TECTA: variants seen among roughly 807,000 people sequenced by gnomAD.
TECTA encodes tectorin alpha.
Under a neutral mutation model 216.8 loss-of-function variants are expected in TECTA, and 128 were observed. The ratio of observed to expected loss-of-function variants is 0.59; its 90% CI spans 0.51 to 0.68. The LOEUF is 0.68. TECTA is among the 30% of genes least tolerant of loss of function. TECTA has a pLI of 0.00. For missense variants in TECTA, 2,551 were observed against 2,786.2 expected, an observed-to-expected ratio of 0.92 and a Z score of 1.90; for synonymous variants, 1,089 against 1,117.1, an observed-to-expected ratio of 0.97 and a Z score of 0.50.
At position 121,170,767 on chromosome 11, in the gene TECTA, T is replaced by C. The variant is rs920762782; in HGVS notation, c.5999+1842T>C. Among the ~76,000 whole-genome samples, 37 of 152,276 alleles carry C rather than the reference T, an allele frequency of 2.4e-4. 1 individual carries two copies. Among genetic ancestry groups the C allele is most frequent in the Middle Eastern group, 3.4e-3 (1 of 294 alleles). On this transcript the variant is annotated intron_variant, in intron 20 of 23. Transcript: ENST00000392793. ...TTGTGTAAATCCTTTGCCCAGTTTT[T>C]AAAGAAATTATTTGTTTTCTTGCTG... is the stretch of plus-strand genomic sequence containing the variant.
intron 7 of TECTA, among the ~76,000 whole-genome samples, chr11:121,122,915 A>G (rs905627230): frequency 7.9e-5 from 12 of 152,308 alleles, no homozygotes; most frequent in African/African-American, 2.9e-4. Context: ...GTTTTGAAGT[A>G]CATTCTAGCA....
At chr11:121,171,987 C>G (rs550236805) in intron 20 of TECTA, among the ~76,000 whole-genome samples, 8 of 152,082 alleles carry the variant, frequency 5.3e-5, no homozygotes, top group African/African-American at 1.9e-4. Context: ...GGAATTGTTC[C>G]AGTACTTTCA....
chr11:121,116,316 G>C (rs1946501342), intron 6 of TECTA, among the ~76,000 whole-genome samples: 1 of 152,150 alleles, frequency 6.6e-6, no homozygotes, highest in Non-Finnish European at 1.5e-5. Flanking sequence ...GCCTGGACCA[G>C]GGGCCTCAGA....
At chr11:121,166,555 T>A in intron 17 of TECTA, 23 bp from the exon 18 acceptor site, 1 of 1,613,908 alleles carries the variant, frequency 6.2e-7, no homozygotes, top group Non-Finnish European at 8.5e-7. Context: ...CTGATTTGCC[T>A]TTCGTAATAA....
At chr11:121,169,015 TTTGTTGG>T in intron 20 of TECTA, 90 bp downstream of exon 20, 1 of 1,603,764 alleles carries the variant, frequency 6.2e-7, no homozygotes. Flanking sequence ...GAAACTAATA[TTTGTTGG>T]CTGCCTACAA....
chr11:121,109,580 A>G (rs1946424437), intron 4 of TECTA, 82 bp downstream of exon 4: 21 of 1,538,920 alleles, frequency 1.4e-5, no homozygotes, highest in Non-Finnish European at 1.8e-5. Flanking sequence ...AAGGAGTCTA[A>G]TTATTAGAGC....
chr11:121,102,142 A>T (rs1030571127), intron 1 of TECTA, among the ~76,000 whole-genome samples: 1 of 152,170 alleles, frequency 6.6e-6, no homozygotes, highest in Non-Finnish European at 1.5e-5. Context: ...GATCGGCTCC[A>T]TTCTATGGAG....
At chr11:121,173,344 T>C (rs891834882) in intron 20 of TECTA, among the ~76,000 whole-genome samples, 1 of 149,468 alleles carries the variant, frequency 6.7e-6, no homozygotes, top group Non-Finnish European at 1.5e-5. Context: ...AAGTCTTTAA[T>C]CCATCTTGAA....
chr11:121,153,691 A>G (rs1310108055), intron 13 of TECTA, among the ~76,000 whole-genome samples: 2 of 152,202 alleles, frequency 1.3e-5, no homozygotes, highest in African/African-American at 2.4e-5. Context: ...ACAGGAGTTT[A>G]AACATAGAGT....
chr11:121,128,769 T>C (rs1946642167), intron 9 of TECTA, among the ~76,000 whole-genome samples: 1 of 152,210 alleles, frequency 6.6e-6, no homozygotes, highest in Non-Finnish European at 1.5e-5. Context: ...CTCCAGAATC[T>C]GCGCTCTTAA....
At chr11:121,156,777 G>A (rs1305641997) in intron 13 of TECTA, among the ~76,000 whole-genome samples, 1 of 152,134 alleles carries the variant, frequency 6.6e-6, no homozygotes, top group Non-Finnish European at 1.5e-5. Context: ...TTACAGGCAT[G>A]AGCCACTGCA....
chr11:121,127,958 A>G lies in TECTA; in HGVS notation c.1981A>G (p.Met661Val), dbSNP rs778589638. Residue 661 changes from methionine to valine, a missense_variant, in exon 9 of 24, where the codon ATG (methionine) becomes GTG (valine). Physicochemically the swap from Met to Val is conservative, Grantham distance 21. Coordinates refer to ENST00000392793, the MANE Select transcript of TECTA (RefSeq NM_005422.4). This position sits in a 1 kb window ranked among gnomAD's most constrained non-coding sequence, Gnocchi z 5.0. The stretch of plus-strand genomic sequence containing the variant: ...CGACTTCGACGGCCACTACTACACC[A>G]TGGGGGAGTTCTTCTGGGCCACGGC... ...GCDFDGHYYT[M>V]GEFFWATANC... 1.1e-5 allele frequency: 18 copies of G among 1,614,102 alleles called. No homozygotes were observed. In the South Asian group the frequency reaches 1.6e-4, roughly 15 times the overall value.
chr11:121,153,106 C>A, intron 13 of TECTA, 26 bp downstream of exon 13: 1 of 1,602,264 alleles, frequency 6.2e-7, no homozygotes, highest in South Asian at 1.1e-5. Flanking sequence ...CCGGCCTTTT[C>A]CTCCTTGCCA....
rs371549619 is a variant in TECTA, at chr11:121,168,743, C to T, written c.5817C>T (p.Asn1939=). 20 of 1,614,182 alleles carry T rather than the reference C, an allele frequency of 1.2e-5. No individual in the cohort carries two copies. The South Asian group carries it at 1.8e-4, about 14-fold the overall frequency. The change falls in exon 20 of 24, where the codon AAC becomes AAT. Residue 1939 remains asparagine (N), a synonymous_variant. Coordinates refer to ENST00000392793, the MANE Select transcript of TECTA (RefSeq NM_005422.4). ...TCACCAAGATGGCTCTCTACAAAAA[C>T]GCCTCCTACAAACATCCTTACCGCC... ...SFITKMALYK[N]ASYKHPYRQG... is the part of the protein sequence containing the mutation.
At chr11:121,165,249 G>A (rs1947039757) in intron 16 of TECTA, 24 bp from the exon 17 acceptor site, 2 of 1,573,826 alleles carry the variant, frequency 1.3e-6, no homozygotes, top group Non-Finnish European at 1.7e-6. Context: ...AGTTGTGCAT[G>A]TTTCTGTGTG....
chr11:121,146,187 C>A, intron 12 of TECTA, 71 bp downstream of exon 12: 1 of 1,567,916 alleles, frequency 6.4e-7, no homozygotes, highest in Non-Finnish European at 8.6e-7. Flanking sequence ...GCCAGTCTTC[C>A]AACTCCCTAG....
chr11:121,136,214 G>T (rs778540211), intron 10 of TECTA, among the ~76,000 whole-genome samples: 3 of 152,118 alleles, frequency 2.0e-5, no homozygotes, highest in African/African-American at 4.8e-5. Context: ...ACCCGCCTCA[G>T]CCTCCCAAAG....
intron 11 of TECTA, among the ~76,000 whole-genome samples, chr11:121,140,243 A>G (rs1235480931): frequency 2.7e-5 from 4 of 150,484 alleles, no homozygotes; most frequent in African/African-American, 1.0e-4. Flanking sequence ...CTTTTCATGT[A>G]TAGACTGTGG....
At chr11:121,130,999 G>A (rs984447798) in intron 10 of TECTA, among the ~76,000 whole-genome samples, 3 of 149,440 alleles carry the variant, frequency 2.0e-5, no homozygotes, top group Non-Finnish European at 2.9e-5. Context: ...TGGATCACGA[G>A]GTCAGGAGAT....
Sources: allele counts gnomAD v4.1 joint callset (sites outside exome capture counted in the v4.1 genomes callset), GRCh38; gene constraint gnomAD v4.1.1; non-coding constraint Gnocchi (gnomAD v3.1); transcripts MANE v1.5; gene names NCBI Gene and HGNC (gene_info 2026-07-23, HGNC 2026-07-21).